Variants in SLC22A23 observed in about 807,000 individuals in gnomAD.
SLC22A23 encodes solute carrier family 22 member 23, also known as ion transporter protein.
Under a neutral mutation model 61.0 loss-of-function variants are expected in SLC22A23, and 26 were observed. The ratio of observed to expected loss-of-function variants is 0.43; its 90% CI spans 0.31 to 0.59. The LOEUF (loss-of-function observed/expected upper bound fraction) is 0.59, where lower values mean the gene tolerates loss of function less well. Among genes scored for constraint, SLC22A23 ranks in the 20% least tolerant of loss-of-function variants. The probability of loss-of-function intolerance (pLI) is 0.11; values close to 1 mark genes in which losing one functional copy is unlikely to be tolerated. For missense variants in SLC22A23, 796 were observed against 934.7 expected (o/e 0.85, Z 1.94); for synonymous variants, 430 against 413.9 (o/e 1.04, Z -0.47).
intron 3 of SLC22A23, among the ~76,000 whole-genome samples, chr6:3,353,639 C>A (rs1481235353): frequency 6.6e-6 from 1 of 152,220 alleles, no homozygotes. Context: ...CAGTCAACCA[C>A]TGCCTTTCCA....
In SLC22A23 at chr6:3,272,317, C is replaced by CA. The variant is rs1758527650; in HGVS notation, c.*737dup. The CA allele has an allele frequency of 6.5e-6, 1 of 152,738 alleles. No homozygotes were observed. The highest frequency in any genetic ancestry group is 1.5e-5 in the Non-Finnish European group (1 of 68,036). The allele number at this position is 152,738 out of a possible 1,614,324, so 9.5% of individuals were successfully genotyped here. ...TCGACGCATCTGTTAGCTGTGTACT[C>CA]ACAAAGCTGTGGCGATATGACTGCT... On this transcript the variant is annotated 3_prime_UTR_variant, in exon 10 of 10. Coordinates refer to ENST00000406686, the MANE Select transcript of SLC22A23 (RefSeq NM_015482.2).
intron 1 of SLC22A23, among the ~76,000 whole-genome samples, chr6:3,429,463 C>G (rs1285204263): frequency 6.7e-6 from 1 of 148,830 alleles, no homozygotes; most frequent in African/African-American, 2.4e-5. Flanking sequence ...TGCGGAAGGA[C>G]AGTTGCTCCA....
intron 1 of SLC22A23, among the ~76,000 whole-genome samples, chr6:3,416,099 G>A (rs1196712490): frequency 6.6e-6 from 1 of 152,234 alleles, no homozygotes; most frequent in Non-Finnish European, 1.5e-5. Context: ...AATGACGCAG[G>A]AAGTCTGGGG....
chr6:3,337,796 C>G (rs1763941511), intron 3 of SLC22A23, among the ~76,000 whole-genome samples: 1 of 152,218 alleles, frequency 6.6e-6, no homozygotes. Context: ...GAATGTGGAA[C>G]AAGATCAGGA....
chr6:3,298,119 A>G lies in SLC22A23; in HGVS notation c.1182T>C (p.Pro394=). The G allele has an allele frequency of 1.3e-6, 2 of 1,578,972 alleles. No individual in the cohort carries two copies. Among genetic ancestry groups the G allele is most frequent in the Non-Finnish European group, 1.7e-6 (2 of 1,165,892 alleles). The change falls in exon 5 of 10, where the codon CCT becomes CCC. Residue 394 remains proline, a synonymous_variant. Transcript: ENST00000406686. ...LHFTQKNRMN[P]EGDIKGVIPE... ...GTATCACACCCTTGATGTCGCCCTC[A>G]GGGTTCATGCGATTCTTCTGTGTGA...
intron 4 of SLC22A23, 47 bp downstream of exon 4, chr6:3,323,787 G>C (rs758759808): frequency 1.9e-6 from 3 of 1,569,092 alleles, no homozygotes; most frequent in Non-Finnish European, 2.6e-6. Context: ...CCTTCAGGAA[G>C]CATGTGCAGT....
intron 1 of SLC22A23, among the ~76,000 whole-genome samples, chr6:3,426,507 T>A (rs997894347): frequency 2.0e-5 from 3 of 151,780 alleles, no homozygotes; most frequent in African/African-American, 4.8e-5. Context: ...AAAAAAAAAA[T>A]TAACATTTTA....
At position 3,454,446 on chromosome 6, in the gene SLC22A23, C is replaced by T. The variant is rs1772295407; in HGVS notation, c.654+1460G>A. Among the ~76,000 whole-genome samples the T allele has an allele frequency of 6.6e-6, 1 of 152,204 alleles. No individual in the cohort carries two copies. Among genetic ancestry groups the T allele is most frequent in the Admixed American group, 6.5e-5 (1 of 15,284 alleles). ...CTCTTCACACATACTCACTTTGATC[C>T]ATTATTCTCCCTCTGCTCTAGAAAG... On this transcript the variant is annotated intron_variant, in intron 1 of 9. Coordinates refer to ENST00000406686, the MANE Select transcript of SLC22A23 (RefSeq NM_015482.2). The surrounding 1 kb of genome is among the most constrained non-coding windows in gnomAD (Gnocchi z 4.3).
At position 3,298,957 on chromosome 6, in the gene SLC22A23, C is replaced by T. The variant is rs1013662723; in HGVS notation, c.1083-739G>A. Among the ~76,000 whole-genome samples the T allele has an allele frequency of 1.4e-4, 19 of 131,484 alleles. No homozygotes were observed. In the East Asian group the frequency reaches 1.5e-3, roughly 10 times the overall value. The allele number at this position is 131,484 out of a possible 152,430, so 86.3% of individuals were successfully genotyped here. A position where few individuals can be genotyped will look rare whatever the true frequency, so the allele number is the denominator to read the frequency against. On this transcript the variant is annotated intron_variant, in intron 4 of 9. Transcript: ENST00000406686. The stretch of plus-strand genomic sequence containing the variant: ...ACTGCAGTCCGCAGTCCGGCCTGGG[C>T]GACAGAGCGAGACTCCGTCTCAAAA...
At chr6:3,275,634 G>A (rs1758822599) in intron 9 of SLC22A23, among the ~76,000 whole-genome samples, 1 of 152,242 alleles carries the variant, frequency 6.6e-6, no homozygotes, top group Non-Finnish European at 1.5e-5. Context: ...ACAGGCTGGA[G>A]TGTAGTGGCA....
chr6:3,388,144 G>A (rs1767429484), intron 3 of SLC22A23, among the ~76,000 whole-genome samples: 2 of 152,218 alleles, frequency 1.3e-5, no homozygotes, highest in Non-Finnish European at 2.9e-5. Flanking sequence ...CAGAAACACA[G>A]AAGGGGGTTC....
At chr6:3,412,141 C>T (rs927256647) in intron 2 of SLC22A23, among the ~76,000 whole-genome samples, 12 of 152,146 alleles carry the variant, frequency 7.9e-5, no homozygotes, top group Non-Finnish European at 1.2e-4. Context: ...TTCCTTCCTG[C>T]GTTTCCACGT....
intron 1 of SLC22A23, among the ~76,000 whole-genome samples, chr6:3,449,234 T>C (rs1244073084): frequency 1.3e-5 from 2 of 152,102 alleles, no homozygotes; most frequent in Non-Finnish European, 2.9e-5. Context: ...GAAGAAAACA[T>C]AGGATTTCCC....
chr6:3,399,472 G>T (rs182028717), intron 3 of SLC22A23, among the ~76,000 whole-genome samples: 1 of 152,226 alleles, frequency 6.6e-6, no homozygotes, highest in Non-Finnish European at 1.5e-5. Flanking sequence ...CAGCCACATC[G>T]CAAACAGGAA....
chr6:3,401,110 G>T (rs9501999), intron 3 of SLC22A23, among the ~76,000 whole-genome samples: 254 of 152,388 alleles, frequency 1.7e-3, no homozygotes, highest in African/African-American at 6.0e-3. Flanking sequence ...GGGAGGCCGA[G>T]GTGGGTGGAT....
intron 1 of SLC22A23, 124 bp from the exon 2 acceptor site, chr6:3,415,979 T>G (rs1769670229): frequency 1.6e-6 from 1 of 631,476 alleles, no homozygotes; most frequent in African/African-American, 1.8e-5. Context: ...CCATGCCATA[T>G]ACACCAGTCA....
At position 3,309,681 on chromosome 6, in the gene SLC22A23, G is replaced by A. The variant is rs759972864; in HGVS notation, c.1083-11463C>T. 1.3e-5 allele frequency among the ~76,000 whole-genome samples: 2 copies of A among 152,226 alleles called. No homozygotes were observed. The highest frequency in any genetic ancestry group is 2.9e-5 in the Non-Finnish European group (2 of 68,034). ...CGTTCCAGCCTCCTTGGTGGTACAGGAGCTTCACACACACATGCTTCTGAA... is the reference window on the plus strand; with the variant it reads ...CGTTCCAGCCTCCTTGGTGGTACAGAAGCTTCACACACACATGCTTCTGAA... On this transcript the variant is annotated intron_variant, in intron 4 of 9. Coordinates refer to ENST00000406686, the MANE Select transcript of SLC22A23 (RefSeq NM_015482.2). This position sits in a 1 kb window ranked among gnomAD's most constrained non-coding sequence, Gnocchi z 4.7.
intron 5 of SLC22A23, among the ~76,000 whole-genome samples, chr6:3,293,426 T>C (rs1416776866): frequency 2.0e-5 from 3 of 152,188 alleles, no homozygotes; most frequent in Non-Finnish European, 4.4e-5. Flanking sequence ...CCGGGACGGA[T>C]TTAGAATGGG....
At chr6:3,298,645 T>G (rs1044814359) in intron 4 of SLC22A23, among the ~76,000 whole-genome samples, 1 of 152,122 alleles carries the variant, frequency 6.6e-6, no homozygotes, top group African/African-American at 2.4e-5. Context: ...TAGCTACTAA[T>G]AATATACAGT....
Sources: gnomAD v4.1 joint callset for allele counts (sites outside exome capture counted in the v4.1 genomes callset) on GRCh38, gnomAD v4.1.1 for gene constraint, Gnocchi (gnomAD v3.1) non-coding constraint, MANE v1.5 for transcripts, NCBI Gene and HGNC (gene_info 2026-07-23, HGNC 2026-07-21) for gene names.